CFTR: variants seen among roughly 807,000 people sequenced by gnomAD.
CFTR encodes cystic fibrosis transmembrane conductance regulator.
A neutral mutation model predicts 171.6 loss-of-function variants in CFTR; 181 were observed. The observed-to-expected ratio is 1.05, with a 90% CI of 0.93 to 1.19. CFTR has a LOEUF of 1.19. Ranked by LOEUF, CFTR falls within the 50% of genes most tolerant of loss-of-function variation. The probability of loss-of-function intolerance (pLI) is 0.00; values close to 1 mark genes in which losing one functional copy is unlikely to be tolerated. For missense variants in CFTR, 1,968 were observed against 1,734.7 expected (o/e 1.13, Z -2.39); for synonymous variants, 583 against 608.0 (o/e 0.96, Z 0.60).
intron 1 of CFTR, 108 bp downstream of exon 1, chr7:117,480,255 G>A (rs1797981221): frequency 3.2e-6 from 3 of 948,460 alleles, no homozygotes; most frequent in Non-Finnish European, 5.2e-6. Flanking sequence ...TTAAAAAGAT[G>A]CGCTATCATT....
At chr7:117,502,569 C>T (rs369690519) in intron 1 of CFTR, among the ~76,000 whole-genome samples, 2 of 152,130 alleles carry the variant, frequency 1.3e-5, no homozygotes, top group South Asian at 2.1e-4. Flanking sequence ...CCTGTATGTT[C>T]GACTTTCCTT....
intron 10 of CFTR, among the ~76,000 whole-genome samples, chr7:117,550,668 T>A (rs567275241): frequency 4.1e-4 from 63 of 152,344 alleles, no homozygotes; most frequent in African/African-American, 1.5e-3. Context: ...TCAAGATCAA[T>A]TCTATGATAG....
At chr7:117,560,944 C>T (rs928243156) in intron 11 of CFTR, among the ~76,000 whole-genome samples, 12 of 151,872 alleles carry the variant, frequency 7.9e-5, no homozygotes, top group African/African-American at 2.7e-4. Context: ...GGAAAAGTTG[C>T]GGAAGGTGCC....
intron 3 of CFTR, among the ~76,000 whole-genome samples, chr7:117,529,537 G>C (rs1445028706): frequency 6.9e-6 from 1 of 145,270 alleles, no homozygotes; most frequent in Non-Finnish European, 1.5e-5. Context: ...AAAAAAGTTT[G>C]AATGTTTTCT....
At chr7:117,488,493 C>T (rs1202402236) in intron 1 of CFTR, among the ~76,000 whole-genome samples, 1 of 152,020 alleles carries the variant, frequency 6.6e-6, no homozygotes, top group Admixed American at 6.6e-5. Flanking sequence ...ACTTATAAGT[C>T]TCTGTTGACC....
chr7:117,619,741 C>G (rs769684828), intron 21 of CFTR, among the ~76,000 whole-genome samples: 1 of 152,096 alleles, frequency 6.6e-6, no homozygotes, highest in East Asian at 1.9e-4. Context: ...AATAAGAAAG[C>G]CACCAGGGTG....
rs1798381742 is a variant in CFTR at position 117,504,373 on chromosome 7, T to TGA, written c.164+11_164+12insAG. The stretch of plus-strand genomic sequence containing the variant: ...CTGAAAAATTGGAAAGGTATGTTCA[T>TGA]GTACATTGTTTAGTTGAAGAGAGAA... On this transcript the variant is annotated intron_variant, in intron 2 of 26. Transcript: ENST00000003084. 3 of 1,291,110 alleles carry TGA rather than the reference T, an allele frequency of 2.3e-6. No homozygotes were observed. The highest frequency in any genetic ancestry group is 1.5e-5 in the African/African-American group (1 of 68,682). 80.0% of individuals were successfully genotyped at this position (1,291,110 alleles called of 1,614,324 possible). A position where few individuals can be genotyped will look rare whatever the true frequency, so the allele number is the denominator to read the frequency against.
At chr7:117,651,544 C>T (rs1793090121) in intron 23 of CFTR, among the ~76,000 whole-genome samples, 1 of 152,150 alleles carries the variant, frequency 6.6e-6, no homozygotes, top group Admixed American at 6.6e-5. Context: ...CCTCACATAT[C>T]TTATGATCCT....
At chr7:117,481,974 ATCCC>A (rs1278650482) in intron 1 of CFTR, among the ~76,000 whole-genome samples, 5 of 152,174 alleles carry the variant, frequency 3.3e-5, no homozygotes, top group Non-Finnish European at 7.3e-5. Context: ...ATAGGGGTTA[ATCCC>A]TTGAGAAAAT....
chr7:117,510,726 A>C (rs1201754673), intron 3 of CFTR, among the ~76,000 whole-genome samples: 1 of 152,206 alleles, frequency 6.6e-6, no homozygotes, highest in East Asian at 1.9e-4. Flanking sequence ...AGTTTGTATG[A>C]TACATGGACA....
At chr7:117,572,875 C>T (rs536911804) in intron 11 of CFTR, among the ~76,000 whole-genome samples, 11 of 152,234 alleles carry the variant, frequency 7.2e-5, no homozygotes, top group African/African-American at 2.6e-4. Context: ...TCCTCCCTTA[C>T]CACAAGCATC....
intron 11 of CFTR, among the ~76,000 whole-genome samples, chr7:117,570,638 A>G (rs912670646): frequency 6.6e-6 from 1 of 152,170 alleles, no homozygotes; most frequent in African/African-American, 2.4e-5. Context: ...TCCAAATCTA[A>G]CTACTTATCT....
intron 11 of CFTR, among the ~76,000 whole-genome samples, chr7:117,576,015 T>A (rs1175208761): frequency 6.6e-6 from 1 of 152,162 alleles, no homozygotes; most frequent in African/African-American, 2.4e-5. Context: ...CATAAATATA[T>A]TATTCTATAT....
chr7:117,619,266 A>G (rs1792537136), intron 21 of CFTR, among the ~76,000 whole-genome samples: 1 of 152,216 alleles, frequency 6.6e-6, no homozygotes, highest in African/African-American at 2.4e-5. Flanking sequence ...CTTAAGCATT[A>G]TGTAGCTTAA....
At chr7:117,563,421 T>A (rs891264054) in intron 11 of CFTR, among the ~76,000 whole-genome samples, 3 of 152,126 alleles carry the variant, frequency 2.0e-5, no homozygotes, top group Non-Finnish European at 4.4e-5. Context: ...TCTGGGAAGA[T>A]AAGAAATGTC....
chr7:117,502,349 T>C (rs1252075704), intron 1 of CFTR, among the ~76,000 whole-genome samples: 3 of 152,238 alleles, frequency 2.0e-5, no homozygotes, highest in Non-Finnish European at 4.4e-5. Context: ...TGATCCCTTT[T>C]AGTTCTACCC....
rs573472522 is a variant in CFTR, at chr7:117,485,018, C to T, written c.53+4871C>T. On this transcript the variant is annotated intron_variant, in intron 1 of 26. Transcript: ENST00000003084. ...GCTAACTGTTACACTAGGGAAATCA[C>T]GGTTTTCCAGTTTTCCATTTATGTG... 1.6e-3 allele frequency among the ~76,000 whole-genome samples: 243 copies of T among 152,198 alleles called. 1 individual carries two copies. Among genetic ancestry groups the T allele is most frequent in the African/African-American group, 5.7e-3 (238 of 41,542 alleles).
At chr7:117,644,583 C>T (rs1237833441) in intron 23 of CFTR, among the ~76,000 whole-genome samples, 1 of 152,094 alleles carries the variant, frequency 6.6e-6, no homozygotes, top group African/African-American at 2.4e-5. Context: ...CATTTGTTTT[C>T]AGACATATGA....
Position 117,611,941 on chromosome 7 carries a change from T to C in CFTR, c.3367+133T>C. On this transcript the variant is annotated intron_variant, in intron 20 of 26. Coordinates refer to ENST00000003084, the MANE Select transcript of CFTR (RefSeq NM_000492.4). ...AATTAACAAATTTGTTGGTTTATTATTGAACAAGTGATTTCTTTGAATTTC... is the reference window on the plus strand; with the variant it reads ...AATTAACAAATTTGTTGGTTTATTACTGAACAAGTGATTTCTTTGAATTTC... 6.6e-6 allele frequency: 4 copies of C among 602,404 alleles called. No individual in the cohort carries two copies. The Admixed American group carries it at 9.4e-5, about 14-fold the overall frequency. 37.3% of individuals were successfully genotyped at this position (602,404 alleles called of 1,614,324 possible). A position where few individuals can be genotyped will look rare whatever the true frequency, so the allele number is the denominator to read the frequency against.
Sources: allele counts gnomAD v4.1 joint callset (sites outside exome capture counted in the v4.1 genomes callset), GRCh38; gene constraint gnomAD v4.1.1; transcripts MANE v1.5; gene names NCBI Gene and HGNC (gene_info 2026-07-23, HGNC 2026-07-21).